The following RYR1 variants were observed in gnomAD, a reference collection of about 807,000 sequenced individuals.
RYR1 encodes the protein ryanodine receptor 1, also known as central core disease of muscle.
A neutral mutation model predicts 583.5 loss-of-function variants in RYR1; 342 were observed. The ratio of observed to expected loss-of-function variants is 0.59; its 90% CI spans 0.54 to 0.64. The LOEUF (loss-of-function observed/expected upper bound fraction) is 0.64. Ranked by LOEUF, RYR1 falls within the 30% of genes least tolerant of loss-of-function variation. The pLI is 0.00. For synonymous variants in RYR1, 2,791 were observed against 2,822.5 expected, an observed-to-expected ratio of 0.99 and a Z score of 0.35; for missense variants, 6,032 against 6,917.2, an observed-to-expected ratio of 0.87 and a Z score of 4.54.
At position 38,584,924 on chromosome 19, in the gene RYR1, G is replaced by A; in HGVS notation, c.14647-19G>A. 11 of 1,613,712 alleles carry A rather than the reference G, an allele frequency of 6.8e-6. No individual in the cohort carries two copies. The highest frequency in any genetic ancestry group is 8.5e-6 in the Non-Finnish European group (10 of 1,179,814). On this transcript the variant is annotated intron_variant, in intron 101 of 105. Coordinates refer to ENST00000359596, the MANE Select transcript of RYR1 (RefSeq NM_000540.3). ...TGAATGTCGAATGAATGAGTGACCA[G>A]TGTGCTCCCCTCCCTCAGTGTTACC...
chr19:38,469,416 A>C lies in RYR1; in HGVS notation c.3668A>C (p.Glu1223Ala). The C allele has an allele frequency of 6.2e-7, 1 of 1,614,078 alleles. No homozygotes were observed. The highest frequency in any genetic ancestry group is 8.5e-7 in the Non-Finnish European group (1 of 1,180,020). ...FAICGLQEGFEPFAINMQRPV... is the reference protein window; with the variant it reads ...FAICGLQEGFAPFAINMQRPV... ...ATCTGTGGCCTCCAGGAAGGCTTCG[A>C]GCCATTTGCCATCAACATGCAGCGC... The change falls in exon 27 of 106, where the codon GAG becomes GCG. Residue 1223 changes from glutamate (E) to alanine (A), a missense_variant. Physicochemically the swap from Glu to Ala is moderately radical, Grantham distance 107. Coordinates refer to ENST00000359596, the MANE Select transcript of RYR1 (RefSeq NM_000540.3).
chr19:38,490,704 CT>C lies in RYR1; in HGVS notation c.6102del (p.His2035IlefsTer12), dbSNP rs1388451833. On this transcript the variant is annotated frameshift_variant, in exon 37 of 106. Coordinates refer to ENST00000359596, the MANE Select transcript of RYR1 (RefSeq NM_000540.3). LOFTEE classifies it high-confidence loss of function. The stretch of plus-strand genomic sequence containing the variant: ...AAGAGATTCGACAGGATTTGCTTGA[CT>C]TTCATCAAGACCTGCTGGCACACTG... ...PEEIRQDLLD[F>X]HQDLLAHCGI... 1 of 1,613,384 alleles carries C rather than the reference CT, an allele frequency of 6.2e-7. No individual in the cohort carries two copies. The highest frequency in any genetic ancestry group is 8.5e-7 in the Non-Finnish European group (1 of 1,179,384).
chr19:38,534,055 T>C (rs1385126743), intron 78 of RYR1, among the ~76,000 whole-genome samples: 1 of 148,824 alleles, frequency 6.7e-6, no homozygotes, highest in Non-Finnish European at 1.5e-5. Flanking sequence ...TCGCCCAGGC[T>C]GGATGGAGTG....
rs552336063 is a variant in RYR1, at chr19:38,449,991, G to A, written c.1122+1178G>A. Among the ~76,000 whole-genome samples, 17 of 152,316 alleles carry A rather than the reference G, an allele frequency of 1.1e-4. No individual in the cohort carries two copies. The South Asian group carries it at 3.1e-3, about 28-fold the overall frequency. On this transcript the variant is annotated intron_variant, in intron 11 of 105. Transcript: ENST00000359596. The stretch of plus-strand genomic sequence containing the variant: ...GATCCTCCTGCCTCAGCCTCCCAAA[G>A]TGCTGAGATTAAAGTGAAGTGTGAG...
At position 38,578,019 on chromosome 19, in the gene RYR1, G is replaced by A. The variant is rs773793941; in HGVS notation, c.14274G>A (p.Lys4758=). 1.5e-5 allele frequency: 24 copies of A among 1,614,000 alleles called. No homozygotes were observed. Among genetic ancestry groups the A allele is most frequent in the Non-Finnish European group, 1.9e-5 (23 of 1,180,018 alleles). ...TLEITAHNER[K]PNPPPGLLTW... is the part of the protein sequence containing the mutation. ...AGATCACAGCCCACAATGAGCGCAA[G>A]CCCAACCCGCCGCCAGGGCTGCTGA... is the stretch of plus-strand genomic sequence containing the variant. The change falls in exon 98 of 106, where the codon AAG becomes AAA. Residue 4758 remains lysine (K), a synonymous_variant. Coordinates refer to ENST00000359596, the MANE Select transcript of RYR1 (RefSeq NM_000540.3).
At position 38,508,725 on chromosome 19, in the gene RYR1, C is replaced by T. The variant is rs1034016414; in HGVS notation, c.8932+898C>T. 7.2e-5 allele frequency among the ~76,000 whole-genome samples: 11 copies of T among 151,938 alleles called. No homozygotes were observed. The East Asian group carries it at 1.2e-3, about 16-fold the overall frequency. The stretch of plus-strand genomic sequence containing the variant: ...GCTGAAGCAGAGTCATCGAGGGGGA[C>T]GGTGAGATAAACGAGGTCACAGAGG... On this transcript the variant is annotated intron_variant, in intron 58 of 105. Transcript: ENST00000359596.
rs1968280604 is a variant in RYR1 at position 38,469,136 on chromosome 19, G to A, written c.3552G>A (p.Gly1184=). 2 of 1,614,100 alleles carry A rather than the reference G, an allele frequency of 1.2e-6. No individual in the cohort carries two copies. The highest frequency in any genetic ancestry group is 1.7e-6 in the Non-Finnish European group (2 of 1,180,026). The change falls in exon 26 of 106, where the codon GGG becomes GGA. Residue 1184 remains glycine, a synonymous_variant. Transcript: ENST00000359596. The part of the protein sequence containing the change: ...SETAFREIEI[G]DGFLPVCSLG... ...CAGCCTTCCGGGAGATTGAGATTGG[G>A]GACGGTGAGGGCTGAGACCCCTTCA...
chr19:38,449,869 C>T (rs551107409), intron 11 of RYR1, among the ~76,000 whole-genome samples: 1 of 152,238 alleles, frequency 6.6e-6, no homozygotes, highest in South Asian at 2.1e-4. Flanking sequence ...CCTTGTGGGC[C>T]ATGGGAGAGG....
intron 27 of RYR1, among the ~76,000 whole-genome samples, chr19:38,472,396 C>T (rs1600727106): frequency 6.6e-6 from 1 of 152,290 alleles, no homozygotes; most frequent in African/African-American, 2.4e-5. Context: ...CCACTGCGCC[C>T]TGTCGCTATT....
chr19:38,453,397 T>A lies in RYR1; in HGVS notation c.1440+383T>A, dbSNP rs1233805738. On this transcript the variant is annotated intron_variant, in intron 13 of 105. Transcript: ENST00000359596. ...TGGGGCCAGAGGTCAGAGGTAGGGCTGCCGACTCAGCGGGCGGGGTCTGCT... is the reference window on the plus strand; with the variant it reads ...TGGGGCCAGAGGTCAGAGGTAGGGCAGCCGACTCAGCGGGCGGGGTCTGCT... Among the ~76,000 whole-genome samples, 3 of 148,690 alleles carry A rather than the reference T, an allele frequency of 2.0e-5. No individual in the cohort carries two copies. The East Asian group carries it at 6.0e-4, about 30-fold the overall frequency.
At position 38,573,215 on chromosome 19, in the gene RYR1, C is replaced by T. The variant is rs868598479; in HGVS notation, c.14037C>T (p.Ala4679=). The T allele has an allele frequency of 6.2e-7, 1 of 1,613,998 alleles. No individual in the cohort carries two copies. The highest frequency in any genetic ancestry group is 2.2e-5 in the East Asian group (1 of 44,874). Residue 4679 remains alanine, a synonymous_variant, in exon 96 of 106, where the codon GCC becomes GCT. Coordinates refer to ENST00000359596, the MANE Select transcript of RYR1 (RefSeq NM_000540.3). ...LVIFKREKEL[A]RKLEFDGLYI... Reference sequence around the variant, plus strand: ...TCTTTAAGCGGGAGAAGGAGCTGGCCCGGAAGCTGGAGTTTGATGGCCTGT... The same window carrying T: ...TCTTTAAGCGGGAGAAGGAGCTGGCTCGGAAGCTGGAGTTTGATGGCCTGT...
At chr19:38,579,229 C>T (rs1974090532) in intron 99 of RYR1, among the ~76,000 whole-genome samples, 1 of 152,108 alleles carries the variant, frequency 6.6e-6, no homozygotes, top group African/African-American at 2.4e-5. Context: ...AGTTAGAGAC[C>T]AGCCTGGCCA....
In RYR1 at chr19:38,496,856, G is replaced by C; in HGVS notation, c.6797-4G>C. On this transcript the variant is annotated splice_polypyrimidine_tract_variant and splice_region_variant and intron_variant, in intron 41 of 105. Transcript: ENST00000359596. This position sits in a 1 kb window ranked among gnomAD's most constrained non-coding sequence, Gnocchi z 4.8. ...GATGTTCTCCCCACCTCTCGCCCCT[G>C]CAGGCATGCAGGGCTCCACGCCCCT... is the stretch of plus-strand genomic sequence containing the variant. 1 of 1,612,940 alleles carries C rather than the reference G, an allele frequency of 6.2e-7. No homozygotes were observed. Among genetic ancestry groups the C allele is most frequent in the Middle Eastern group, 1.6e-4 (1 of 6,062 alleles).
At chr19:38,531,176 C>G (rs556846183) in intron 76 of RYR1, among the ~76,000 whole-genome samples, 36 of 151,858 alleles carry the variant, frequency 2.4e-4, no homozygotes, top group Admixed American at 6.6e-5. Context: ...CCACACAGAT[C>G]TCATTGGCCA....
At chr19:38,455,153 T>G in intron 13 of RYR1, 82 bp from the exon 14 acceptor site, 1 of 1,506,534 alleles carries the variant, frequency 6.6e-7, no homozygotes, top group Non-Finnish European at 9.2e-7. Context: ...GTTGAAGGAA[T>G]ATGAATTCGT....
At chr19:38,547,204 A>C (rs1177476341) in intron 88 of RYR1, among the ~76,000 whole-genome samples, 2 of 137,762 alleles carry the variant, frequency 1.5e-5, no homozygotes, top group East Asian at 4.9e-4. Flanking sequence ...ACACCTGGCT[A>C]ATTTTTTTTT....
At chr19:38,528,098 T>C in intron 73 of RYR1, 1 of 639,432 alleles carries the variant, frequency 1.6e-6, no homozygotes, top group Non-Finnish European at 2.8e-6. Flanking sequence ...CTCGTGGTCC[T>C]GGCTCTGTGG....
chr19:38,566,469 A>G (rs1298043871), intron 91 of RYR1, among the ~76,000 whole-genome samples: 2 of 150,184 alleles, frequency 1.3e-5, no homozygotes, highest in East Asian at 3.9e-4. Flanking sequence ...AAAAAAAAAA[A>G]AAAAAAAAGG....
intron 81 of RYR1, 81 bp from the exon 82 acceptor site, chr19:38,535,916 G>A: frequency 7.9e-7 from 1 of 1,273,828 alleles, no homozygotes; most frequent in East Asian, 2.4e-5. Flanking sequence ...AGGCTACCAT[G>A]GTGGGGAGCT....
Sources: gnomAD v4.1 joint callset for allele counts (sites outside exome capture counted in the v4.1 genomes callset) on GRCh38, gnomAD v4.1.1 for gene constraint, Gnocchi (gnomAD v3.1) non-coding constraint, MANE v1.5 for transcripts, NCBI Gene and HGNC (gene_info 2026-07-23, HGNC 2026-07-21) for gene names.